EPHA6: variants seen among roughly 807,000 people sequenced by gnomAD.
The protein encoded by EPHA6 is ephrin type-A receptor 6.
A neutral mutation model predicts 112.0 loss-of-function variants in EPHA6; 50 were observed. The observed-to-expected ratio is 0.45, with a 90% CI of 0.36 to 0.56. The LOEUF (loss-of-function observed/expected upper bound fraction) is 0.56, where lower values mean the gene tolerates loss of function less well. Ranked by LOEUF, EPHA6 falls within the 20% of genes least tolerant of loss-of-function variation. The pLI is 0.00. For synonymous variants in EPHA6, 529 were observed against 490.7 expected (o/e 1.08, Z -1.03); for missense variants, 1,280 against 1,417.4 (o/e 0.90, Z 1.56).
chr3:96,904,762 A>G (rs922481922), intron 2 of EPHA6, among the ~76,000 whole-genome samples: 7 of 152,130 alleles, frequency 4.6e-5, no homozygotes, highest in African/African-American at 1.7e-4. Flanking sequence ...ATATGTATAG[A>G]TATTCGTCAC....
chr3:96,982,542 A>G (rs1321964406), intron 2 of EPHA6, among the ~76,000 whole-genome samples: 4 of 151,966 alleles, frequency 2.6e-5, no homozygotes, highest in Admixed American at 1.3e-4. Context: ...TTGATTTGGG[A>G]TGGAGAGTTC....
chr3:97,605,526 G>T (rs2093674388), intron 12 of EPHA6, among the ~76,000 whole-genome samples: 1 of 151,582 alleles, frequency 6.6e-6, no homozygotes, highest in Non-Finnish European at 1.5e-5. Context: ...ACTATTGCTT[G>T]TTTTTGTCAA....
intron 12 of EPHA6, chr3:97,606,138 TTGAC>T (rs946926845): frequency 7.9e-5 from 12 of 151,498 alleles, no homozygotes; most frequent in Admixed American, 2.6e-4. Flanking sequence ...TTTATACTAA[TTGAC>T]TGTTTAATTA....
At chr3:97,576,072 G>C (rs1015620705) in intron 11 of EPHA6, among the ~76,000 whole-genome samples, 1 of 151,952 alleles carries the variant, frequency 6.6e-6, no homozygotes, top group Admixed American at 6.6e-5. Flanking sequence ...GGAGTGAAGG[G>C]GTAGGCTAAG....
At chr3:97,532,748 T>C (rs1428280559) in intron 11 of EPHA6, among the ~76,000 whole-genome samples, 1 of 152,050 alleles carries the variant, frequency 6.6e-6, no homozygotes, top group Non-Finnish European at 1.5e-5. Context: ...TGGTATTACC[T>C]GCAAATCATT....
At chr3:97,620,216 T>C (rs931698980) in intron 13 of EPHA6, among the ~76,000 whole-genome samples, 7 of 152,112 alleles carry the variant, frequency 4.6e-5, no homozygotes, top group Non-Finnish European at 8.8e-5. Flanking sequence ...GCTAGCCATA[T>C]GCAGAAAATT....
chr3:97,241,300 T>G (rs546742155), intron 4 of EPHA6, among the ~76,000 whole-genome samples: 1 of 152,014 alleles, frequency 6.6e-6, no homozygotes, highest in African/African-American at 2.4e-5. Flanking sequence ...TCAGAATAAT[T>G]GCCTTTTTCT....
At chr3:97,440,203 G>A (rs947271001) in intron 6 of EPHA6, among the ~76,000 whole-genome samples, 14 of 152,032 alleles carry the variant, frequency 9.2e-5, no homozygotes, top group Admixed American at 8.5e-4. Flanking sequence ...TATTTAAGAT[G>A]TCTAATTTCC....
chr3:97,464,594 A>T (rs1023908226), intron 7 of EPHA6, among the ~76,000 whole-genome samples: 9 of 152,002 alleles, frequency 5.9e-5, no homozygotes, highest in African/African-American at 2.2e-4. Context: ...ATCTGCCCCC[A>T]CCGTTAGATA....
intron 2 of EPHA6, among the ~76,000 whole-genome samples, chr3:96,876,974 C>G (rs1047432715): frequency 6.6e-6 from 1 of 152,082 alleles, no homozygotes; most frequent in South Asian, 2.1e-4. Flanking sequence ...AGATTGTAAA[C>G]TCTTGCAGTA....
chr3:97,029,981 T>A (rs755173526), intron 3 of EPHA6, among the ~76,000 whole-genome samples: 1 of 152,066 alleles, frequency 6.6e-6, no homozygotes, highest in Non-Finnish European at 1.5e-5. Flanking sequence ...CCCTTTGACA[T>A]ACCAGTTTTG....
chr3:97,500,295 A>T (rs1335103835), intron 10 of EPHA6, among the ~76,000 whole-genome samples: 2 of 149,858 alleles, frequency 1.3e-5, no homozygotes, highest in Non-Finnish European at 1.5e-5. Context: ...TTTTTTTTTA[A>T]AAAAAGAGGT....
intron 3 of EPHA6, among the ~76,000 whole-genome samples, chr3:97,197,508 T>C (rs1235954265): frequency 1.3e-5 from 2 of 151,872 alleles, no homozygotes; most frequent in African/African-American, 2.4e-5. Context: ...CAGGACTCTG[T>C]CTAGTGCCCT....
In EPHA6 at chr3:97,532,520, G is replaced by T. The variant is rs376865110; in HGVS notation, c.2363G>T (p.Arg788Leu). Reference sequence around the variant, plus strand: ...CAGTTTGACCATCCAAACATCATTCGCCTAGAAGGGGTTGTCACCAAAAGT... The same window carrying T: ...CAGTTTGACCATCCAAACATCATTCTCCTAGAAGGGGTTGTCACCAAAAGT... ...MGQFDHPNII[R>L]LEGVVTKRSF... The change falls in exon 11 of 18, where the codon CGC becomes CTC. Residue 788 changes from arginine to leucine, a missense_variant. Physicochemically the swap from Arg to Leu is moderately radical, Grantham distance 102. Transcript: ENST00000389672. The T allele has an allele frequency of 6.2e-7, 1 of 1,606,590 alleles. No individual in the cohort carries two copies.
chr3:97,643,095 G>T (rs980669317), intron 14 of EPHA6, among the ~76,000 whole-genome samples: 80 of 152,258 alleles, frequency 5.3e-4, no homozygotes, highest in African/African-American at 1.7e-3. Flanking sequence ...TGGATCTCTC[G>T]GCAGAAACCC....
At chr3:96,915,910 T>G (rs1237854988) in intron 2 of EPHA6, among the ~76,000 whole-genome samples, 1 of 152,112 alleles carries the variant, frequency 6.6e-6, no homozygotes, top group African/African-American at 2.4e-5. Flanking sequence ...ATAACCATCA[T>G]TGAATGTGTC....
chr3:96,835,246 G>A (rs1229870596), intron 1 of EPHA6, among the ~76,000 whole-genome samples: 1 of 152,052 alleles, frequency 6.6e-6, no homozygotes, highest in African/African-American at 2.4e-5. Context: ...TGAATTTACT[G>A]TTTAATACAA....
At position 96,967,234 on chromosome 3, in the gene EPHA6, G is replaced by T. The variant is rs115188475; in HGVS notation, c.451-20096G>T. Among the ~76,000 whole-genome samples, 445 of 149,204 alleles carry T rather than the reference G, an allele frequency of 3.0e-3. 3 individuals are homozygous for T. The highest frequency in any genetic ancestry group is 9.8e-3 in the African/African-American group (400 of 40,770). On this transcript the variant is annotated intron_variant, in intron 2 of 17. Coordinates refer to ENST00000389672, the MANE Select transcript of EPHA6 (RefSeq NM_001080448.3). ...TTATGTAACATAGGTTATATAATAA[G>T]AAATTATTATATAATTTTAGATGAT...
Position 97,371,577 on chromosome 3 carries a change from G to A in EPHA6, c.1607-33573G>A, listed in dbSNP as rs573570833. 2.7e-4 allele frequency among the ~76,000 whole-genome samples: 41 copies of A among 152,078 alleles called. No homozygotes were observed. The South Asian group carries it at 5.4e-3, about 20-fold the overall frequency. On this transcript the variant is annotated intron_variant, in intron 5 of 17. Coordinates refer to ENST00000389672, the MANE Select transcript of EPHA6 (RefSeq NM_001080448.3). ...CGCCTCAGGACGCTGTGATGATTGC[G>A]TTAACTGCACAAATTGTTTAAACAA... is the stretch of plus-strand genomic sequence containing the variant.
Sources: gnomAD v4.1 joint callset for allele counts (sites outside exome capture counted in the v4.1 genomes callset) on GRCh38, gnomAD v4.1.1 for gene constraint, MANE v1.5 for transcripts, NCBI Gene and HGNC (gene_info 2026-07-23, HGNC 2026-07-21) for gene names.